EBF1: variants seen among roughly 807,000 people sequenced by gnomAD.
The protein encoded by EBF1 is transcription factor COE1.
In EBF1, 10 loss-of-function variants were observed where a neutral mutation model predicts 68.4. The ratio of observed to expected loss-of-function variants is 0.15; its 90% CI spans 0.09 to 0.25. The LOEUF (loss-of-function observed/expected upper bound fraction) is 0.25, where lower values mean the gene tolerates loss of function less well. EBF1 is among the 10% of genes least tolerant of loss of function. The probability of loss-of-function intolerance (pLI) is 1.00; values close to 1 mark genes in which losing one functional copy is unlikely to be tolerated. For synonymous variants in EBF1, 298 were observed against 299.8 expected (o/e 0.99, Z 0.06); for missense variants, 509 against 794.4 (o/e 0.64, Z 4.32).
chr5:158,978,835 C>CAG (rs70987945), intron 6 of EBF1, among the ~76,000 whole-genome samples: 6,861 of 146,778 alleles, frequency 0.047, 186 homozygotes, highest in Middle Eastern at 0.084. Flanking sequence ...CACACACACA[C>CAG]AGAGAGAGAG....
At chr5:158,821,945 G>A (rs1431829934) in intron 8 of EBF1, among the ~76,000 whole-genome samples, 1 of 152,168 alleles carries the variant, frequency 6.6e-6, no homozygotes, top group Non-Finnish European at 1.5e-5. Flanking sequence ...TTAATAAAAA[G>A]TACAGTTCGT....
At chr5:158,783,193 C>T (rs1182552035) in intron 9 of EBF1, among the ~76,000 whole-genome samples, 1 of 152,148 alleles carries the variant, frequency 6.6e-6, no homozygotes, top group African/African-American at 2.4e-5. Flanking sequence ...ATGTCCCAAA[C>T]TTGCACTGGA....
chr5:159,034,177 T>C (rs1043866361), intron 6 of EBF1, among the ~76,000 whole-genome samples: 5 of 152,170 alleles, frequency 3.3e-5, no homozygotes, highest in Non-Finnish European at 7.3e-5. Context: ...CAAACTATGC[T>C]TTTTTTGACT....
At chr5:158,985,494 T>G (rs777680010) in intron 6 of EBF1, among the ~76,000 whole-genome samples, 1 of 152,232 alleles carries the variant, frequency 6.6e-6, no homozygotes, top group Non-Finnish European at 1.5e-5. Flanking sequence ...AATTCTAATA[T>G]AAGTCCAGGG....
chr5:159,058,922 G>C (rs908021154), intron 6 of EBF1, among the ~76,000 whole-genome samples: 1 of 152,188 alleles, frequency 6.6e-6, no homozygotes, highest in African/African-American at 2.4e-5. Context: ...AACAGTCAGA[G>C]GGGCTATGGA....
chr5:158,842,953 T>C (rs1790616739), intron 6 of EBF1, among the ~76,000 whole-genome samples: 1 of 152,192 alleles, frequency 6.6e-6, no homozygotes, highest in Admixed American at 6.5e-5. Flanking sequence ...GTTTTAGTAA[T>C]GACAGAAGTA....
intron 10 of EBF1, among the ~76,000 whole-genome samples, chr5:158,772,570 T>A (rs564988403): frequency 6.6e-6 from 1 of 152,320 alleles, no homozygotes; most frequent in Non-Finnish European, 1.5e-5. Context: ...AAGCAAATTA[T>A]TACATTTACA....
At chr5:158,849,238 T>C (rs1363332727) in intron 6 of EBF1, among the ~76,000 whole-genome samples, 1 of 152,220 alleles carries the variant, frequency 6.6e-6, no homozygotes, top group Non-Finnish European at 1.5e-5. Flanking sequence ...GATCAGTGAA[T>C]CTTTCAAAGT....
At chr5:158,703,230 C>T (rs1388503290) in intron 15 of EBF1, among the ~76,000 whole-genome samples, 1 of 152,196 alleles carries the variant, frequency 6.6e-6, no homozygotes, top group African/African-American at 2.4e-5. Flanking sequence ...AAGTCTTTGG[C>T]TCTGGAAAAC....
intron 6 of EBF1, among the ~76,000 whole-genome samples, chr5:159,055,094 G>A (rs1169537388): frequency 6.6e-6 from 1 of 152,198 alleles, no homozygotes; most frequent in Non-Finnish European, 1.5e-5. Flanking sequence ...TTACCTGGCT[G>A]ATCCCTTGGA....
chr5:158,800,052 T>C (rs930822171), intron 8 of EBF1, among the ~76,000 whole-genome samples: 6 of 152,128 alleles, frequency 3.9e-5, no homozygotes, highest in African/African-American at 1.2e-4. Flanking sequence ...CAAATGTTCA[T>C]TGCGGTATTG....
intron 6 of EBF1, among the ~76,000 whole-genome samples, chr5:159,069,214 T>TA (rs5872584): frequency 0.92 from 138,491 of 149,854 alleles, 64,523 homozygotes; most frequent in Non-Finnish European, 0.98. Flanking sequence ...TTCTATCTAC[T>TA]AAAAAAAAAA....
chr5:159,030,033 TC>T (rs1584084898), intron 6 of EBF1, among the ~76,000 whole-genome samples: 1 of 151,616 alleles, frequency 6.6e-6, no homozygotes, highest in East Asian at 1.9e-4. Flanking sequence ...TGAAAAAACC[TC>T]AATTTTCAAC....
intron 6 of EBF1, among the ~76,000 whole-genome samples, chr5:158,888,241 C>A (rs1035448959): frequency 7.2e-5 from 11 of 151,862 alleles, no homozygotes; most frequent in Non-Finnish European, 1.6e-4. Flanking sequence ...AAAATTCACT[C>A]CTCATTTTTT....
chr5:159,097,665 C>CA (rs1345126928), intron 1 of EBF1: 8 of 234,572 alleles, frequency 3.4e-5, no homozygotes, highest in Non-Finnish European at 6.7e-5. Flanking sequence ...CACATCCCCC[C>CA]ACCACCAAAA....
At chr5:159,057,881 C>CA (rs1775064634) in intron 6 of EBF1, among the ~76,000 whole-genome samples, 1 of 152,056 alleles carries the variant, frequency 6.6e-6, no homozygotes, top group South Asian at 2.1e-4. Context: ...TGAAATGATA[C>CA]AAAAAAATCC....
intron 9 of EBF1, 54 bp downstream of exon 9, chr5:158,796,290 AC>A (rs1779605844): frequency 6.5e-7 from 1 of 1,546,724 alleles, no homozygotes. Context: ...TCAAGTATAG[AC>A]AGTATCTTCA....
chr5:159,031,342 A>G (rs1768813579), intron 6 of EBF1, among the ~76,000 whole-genome samples: 1 of 152,244 alleles, frequency 6.6e-6, no homozygotes, highest in African/African-American at 2.4e-5. Context: ...TCCAGAATCC[A>G]CTAAGACAGA....
chr5:158,959,978 G>A (rs1389129650), intron 6 of EBF1, among the ~76,000 whole-genome samples: 1 of 152,096 alleles, frequency 6.6e-6, no homozygotes, highest in African/African-American at 2.4e-5. Context: ...ATTCAAAATA[G>A]CAGAATTGAC....
Sources: allele counts gnomAD v4.1 joint callset (sites outside exome capture counted in the v4.1 genomes callset), GRCh38; gene constraint gnomAD v4.1.1; transcripts MANE v1.5; gene names NCBI Gene and HGNC (gene_info 2026-07-23, HGNC 2026-07-21).